Variants in SELENOO observed in about 807,000 individuals in gnomAD.
The protein encoded by SELENOO is protein adenylyltransferase SelO, mitochondrial.
In SELENOO, 74 loss-of-function variants were observed where a neutral mutation model predicts 58.7. The observed-to-expected ratio is 1.26, with a 90% CI of 1.04 to 1.53. The LOEUF (loss-of-function observed/expected upper bound fraction) is 1.53. SELENOO is among the 40% of genes most tolerant of loss of function. The pLI, the probability that SELENOO is intolerant of heterozygous loss-of-function variation, is 0.00. For missense variants in SELENOO, 1,149 were observed against 970.0 expected (o/e 1.18, Z -2.45); for synonymous variants, 543 against 453.2 (o/e 1.20, Z -2.52).
intron 5 of SELENOO, among the ~76,000 whole-genome samples, chr22:50,214,401 C>T (rs774621586): frequency 6.6e-6 from 1 of 152,228 alleles, no homozygotes; most frequent in Non-Finnish European, 1.5e-5. Flanking sequence ...AGGCAGATCA[C>T]CTGAGGTCAA....
chr22:50,213,364 T>G (rs902244587), intron 5 of SELENOO, among the ~76,000 whole-genome samples: 3 of 152,012 alleles, frequency 2.0e-5, no homozygotes, highest in African/African-American at 4.8e-5. Context: ...GCCAGTGTGT[T>G]GTGTTTTTAA....
chr22:50,205,403 TA>T (rs1367383700), intron 1 of SELENOO, among the ~76,000 whole-genome samples: 1 of 152,168 alleles, frequency 6.6e-6, no homozygotes, highest in Non-Finnish European at 1.5e-5. Context: ...GTGGGCAACA[TA>T]AACCCCGTCT....
rs76359305 is a variant in SELENOO, at chr22:50,215,876, T to C, written c.1502+9T>C. 3,094 of 1,592,534 alleles carry C rather than the reference T, an allele frequency of 1.9e-3. 61 individuals are homozygous for C. In the African/African-American group the frequency reaches 0.037, roughly 19 times the overall value. On this transcript the variant is annotated intron_variant, in intron 6 of 8. Transcript: ENST00000380903. ...CCCCAGATGGATCCCCGGTGGGTACTCAGTTCCTACTTCTTTGGATTTGTT... is the reference window on the plus strand; with the variant it reads ...CCCCAGATGGATCCCCGGTGGGTACCCAGTTCCTACTTCTTTGGATTTGTT...
chr22:50,201,517 G>A lies in SELENOO; in HGVS notation c.481G>A (p.Gly161Ser), dbSNP rs1290404318. ...GGGCGACGGCGCCGCCATGTACCTG[G>A]GCGAGGTGTGCACGGCGACCGGCGA... ...QLGDGAAMYL[G>S]EVCTATGERW... The change falls in exon 1 of 9, where the codon GGC becomes AGC. Residue 161 changes from glycine (G) to serine (S), a missense_variant. Coordinates refer to ENST00000380903, the MANE Select transcript of SELENOO (RefSeq NM_031454.2). 2 of 1,426,814 alleles carry A rather than the reference G, an allele frequency of 1.4e-6. No individual in the cohort carries two copies. The highest frequency in any genetic ancestry group is 1.5e-5 in the African/African-American group (1 of 67,262). 88.4% of individuals were successfully genotyped at this position (1,426,814 alleles called of 1,614,324 possible).
At chr22:50,208,473 T>C (rs2064346815) in intron 2 of SELENOO, 63 bp from the exon 3 acceptor site, 2 of 1,471,374 alleles carry the variant, frequency 1.4e-6, no homozygotes, top group Non-Finnish European at 9.2e-7. Flanking sequence ...TTTTCCTTTT[T>C]CTTATTTTCA....
intron 6 of SELENOO, 102 bp from the exon 7 acceptor site, chr22:50,216,589 T>C (rs1489709317): frequency 3.5e-6 from 4 of 1,154,246 alleles, no homozygotes; most frequent in Non-Finnish European, 4.9e-6. Context: ...GCCCTTGGAC[T>C]CTAGGTGAGC....
rs1277804572 is a variant in SELENOO, at chr22:50,210,739, G to A, written c.1179G>A (p.Leu393=). 1.9e-6 allele frequency: 3 copies of A among 1,613,598 alleles called. No homozygotes were observed. Among genetic ancestry groups the A allele is most frequent in the African/African-American group, 1.3e-5 (1 of 75,072 alleles). The change falls in exon 5 of 9, where the codon CTG becomes CTA. Residue 393 remains leucine (L), a synonymous_variant. Coordinates refer to ENST00000380903, the MANE Select transcript of SELENOO (RefSeq NM_031454.2). Reference sequence around the variant, plus strand: ...ACCTGCGGAAGCTGGCCGAGGCCCTGCAGCCGGAACTGCCCCTGGAGCTGG... The same window carrying A: ...ACCTGCGGAAGCTGGCCGAGGCCCTACAGCCGGAACTGCCCCTGGAGCTGG... ...RWNLRKLAEA[L]QPELPLELGE... is the part of the protein sequence containing the mutation.
chr22:50,214,648 C>T (rs1169692186), intron 5 of SELENOO, among the ~76,000 whole-genome samples: 1 of 151,892 alleles, frequency 6.6e-6, no homozygotes, highest in African/African-American at 2.4e-5. Flanking sequence ...GCCTGTAATC[C>T]CAGCTACTCG....
chr22:50,216,121 A>G (rs2064408575), intron 6 of SELENOO, among the ~76,000 whole-genome samples: 1 of 152,190 alleles, frequency 6.6e-6, no homozygotes, highest in African/African-American at 2.4e-5. Flanking sequence ...GGCTTCAGAG[A>G]AAGCCTCTGG....
In SELENOO at chr22:50,217,196, A is replaced by C; in HGVS notation, c.1846-9A>C. 6.2e-7 allele frequency: 1 copy of C among 1,611,916 alleles called. No homozygotes were observed. The highest frequency in any genetic ancestry group is 2.2e-5 in the East Asian group (1 of 44,810). On this transcript the variant is annotated splice_polypyrimidine_tract_variant and intron_variant, in intron 8 of 8. Transcript: ENST00000380903. ...GCCCCAGACCCCTCTCACCCTCCTG[A>C]TCCTCCAGGTGCGGCGGGTGCTGAA...
chr22:50,208,362 G>A (rs1000823472), intron 2 of SELENOO, 174 bp from the exon 3 acceptor site: 1 of 540,708 alleles, frequency 1.8e-6, no homozygotes, highest in Admixed American at 3.5e-5. Context: ...CCCAGAAGTT[G>A]GAGGTTGTGG....
At chr22:50,206,828 T>C (rs945821991) in intron 2 of SELENOO, among the ~76,000 whole-genome samples, 1 of 152,094 alleles carries the variant, frequency 6.6e-6, no homozygotes, top group African/African-American at 2.4e-5. Flanking sequence ...CTGGTGTGTC[T>C]CAAAGCACCA....
In SELENOO at chr22:50,208,663, C is replaced by T. The variant is rs772816885; in HGVS notation, c.886C>T (p.Gln296Ter). The T allele has an allele frequency of 2.5e-5, 40 of 1,613,664 alleles. No homozygotes were observed. The highest frequency in any genetic ancestry group is 3.3e-5 in the Non-Finnish European group (39 of 1,180,018). The stretch of plus-strand genomic sequence containing the variant: ...CATCAGCTCCTTTTACCCCGAGATC[C>T]AGGCTGCTCATGCCAGCGACAGCGT... The part of the protein sequence containing the change: ...YVISSFYPEI[Q>*]AAHASDSVQR... The change falls in exon 3 of 9, where the codon CAG becomes TAG. Residue 296 changes from glutamine to a stop codon, truncating the protein, a stop_gained. Transcript: ENST00000380903. LOFTEE classifies it high-confidence loss of function.
chr22:50,207,983 G>T (rs979272566), intron 2 of SELENOO, among the ~76,000 whole-genome samples: 1 of 151,014 alleles, frequency 6.6e-6, no homozygotes, highest in African/African-American at 2.4e-5. Context: ...CCCGGCACGT[G>T]CCCCAGACTG....
intron 5 of SELENOO, among the ~76,000 whole-genome samples, chr22:50,214,292 C>G (rs58608683): frequency 0.011 from 1,604 of 152,302 alleles, 28 homozygotes; most frequent in African/African-American, 0.037. Context: ...CAGGGGTGAG[C>G]ACCTTTCCCG....
At chr22:50,208,747 G>A (rs373361943) in intron 3 of SELENOO, 31 bp downstream of exon 3, 46 of 1,595,556 alleles carry the variant, frequency 2.9e-5, no homozygotes, top group African/African-American at 6.7e-5. Flanking sequence ...CCCTCCCTGC[G>A]GGTGGATGCT....
chr22:50,201,973 T>A (rs1360958157), intron 1 of SELENOO, among the ~76,000 whole-genome samples: 1 of 152,234 alleles, frequency 6.6e-6, no homozygotes, highest in Non-Finnish European at 1.5e-5. Context: ...GGCCTGGCCC[T>A]GACTTCCCTG....
rs761610492 is a variant in SELENOO, at chr22:50,210,315, A to G, written c.1070+4A>G. On this transcript the variant is annotated splice_donor_region_variant and intron_variant, in intron 4 of 8. Coordinates refer to ENST00000380903, the MANE Select transcript of SELENOO (RefSeq NM_031454.2). ...GGCCCTTTGGCTTCCTGGACAGGTA[A>G]GTGGCCCTGGGGCCCAGCAAAGTGC... 10 of 1,612,516 alleles carry G rather than the reference A, an allele frequency of 6.2e-6. No individual in the cohort carries two copies. The highest frequency in any genetic ancestry group is 1.1e-5 in the South Asian group (1 of 91,068).
In SELENOO at chr22:50,206,301, C is replaced by G. The variant is rs1266772351; in HGVS notation, c.555-16C>G. On this transcript the variant is annotated splice_polypyrimidine_tract_variant and intron_variant, in intron 1 of 8. Transcript: ENST00000380903. Reference sequence around the variant, plus strand: ...TCCTGACCGGCCCACGTAGTGAACTCTGTGTTTGGTTTCAGACAGGCCGAC... The same window carrying G: ...TCCTGACCGGCCCACGTAGTGAACTGTGTGTTTGGTTTCAGACAGGCCGAC... 6.2e-7 allele frequency: 1 copy of G among 1,612,242 alleles called. No individual in the cohort carries two copies.
Sources: gnomAD v4.1 joint callset for allele counts (sites outside exome capture counted in the v4.1 genomes callset) on GRCh38, gnomAD v4.1.1 for gene constraint, MANE v1.5 for transcripts, NCBI Gene and HGNC (gene_info 2026-07-23, HGNC 2026-07-21) for gene names.